Variants in TCF7L2 observed in about 807,000 individuals in gnomAD.
The protein encoded by TCF7L2 is transcription factor 7 like 2.
In TCF7L2, 23 loss-of-function variants were observed where a neutral mutation model predicts 77.9. That is an observed-to-expected ratio of 0.30 (90% CI 0.21 to 0.42). TCF7L2 has a LOEUF of 0.42. Among genes scored for constraint, TCF7L2 ranks in the 10% least tolerant of loss-of-function variants. The pLI, the probability that TCF7L2 is intolerant of heterozygous loss-of-function variation, is 1.00. For missense variants in TCF7L2, 654 were observed against 793.1 expected (o/e 0.82, Z 2.11); for synonymous variants, 413 against 340.2 (o/e 1.21, Z -2.36).
chr10:112,950,673 C>T lies in TCF7L2; in HGVS notation c.-84C>T. 7.2e-7 allele frequency: 1 copy of T among 1,385,482 alleles called. No individual in the cohort carries two copies. The highest frequency in any genetic ancestry group is 9.5e-7 in the Non-Finnish European group (1 of 1,052,342). The allele number at this position is 1,385,482 out of a possible 1,614,324, so 85.8% of individuals were successfully genotyped here. A position where few individuals can be genotyped will look rare whatever the true frequency, so the allele number is the denominator to read the frequency against. On this transcript the variant is annotated 5_prime_UTR_variant, in exon 1 of 14. Transcript: ENST00000627217. ...TTTCTTGCAATATTTTTTGGGGGGGCAAAACTTTTTGGGGGTGATTTTTTT... is the reference window on the plus strand; with the variant it reads ...TTTCTTGCAATATTTTTTGGGGGGGTAAAACTTTTTGGGGGTGATTTTTTT...
At chr10:113,117,937 C>G (rs1263935614) in intron 5 of TCF7L2, among the ~76,000 whole-genome samples, 1 of 152,074 alleles carries the variant, frequency 6.6e-6, no homozygotes, top group Non-Finnish European at 1.5e-5. Flanking sequence ...ATACGGCACA[C>G]AAAGCGGGCA....
chr10:113,124,498 A>G (rs2065269405), intron 5 of TCF7L2, among the ~76,000 whole-genome samples: 1 of 152,168 alleles, frequency 6.6e-6, no homozygotes, highest in Non-Finnish European at 1.5e-5. Context: ...TCTCGAAGAC[A>G]ACTTATATGG....
At chr10:113,095,260 C>G (rs1230035076) in intron 5 of TCF7L2, among the ~76,000 whole-genome samples, 9 of 152,318 alleles carry the variant, frequency 5.9e-5, no homozygotes, top group African/African-American at 2.2e-4. Flanking sequence ...TGTGACCCAT[C>G]ATTGCTTCGC....
intron 5 of TCF7L2, among the ~76,000 whole-genome samples, chr10:113,053,322 G>A (rs2054796669): frequency 6.6e-6 from 1 of 152,168 alleles, no homozygotes; most frequent in Non-Finnish European, 1.5e-5. Flanking sequence ...GCTAAGTGCT[G>A]TGGTGTCTGG....
chr10:113,166,530 T>C lies in TCF7L2; in HGVS notation c.*558T>C, dbSNP rs1357078053. ...TGTTTAAATGTACAGAAACAAAGGG[T>C]AAAAATGTGTTAATATACCTTGTTC... On this transcript the variant is annotated 3_prime_UTR_variant, in exon 14 of 14. Transcript: ENST00000627217. 4.7e-6 allele frequency: 1 copy of C among 212,364 alleles called. No homozygotes were observed. The highest frequency in any genetic ancestry group is 9.4e-6 in the Non-Finnish European group (1 of 106,080). The allele number at this position is 212,364 out of a possible 1,614,324, so 13.2% of individuals were successfully genotyped here.
intron 5 of TCF7L2, among the ~76,000 whole-genome samples, chr10:113,068,816 T>G (rs1182068278): frequency 2.0e-5 from 3 of 152,126 alleles, no homozygotes; most frequent in Non-Finnish European, 4.4e-5. Context: ...CTGCGCACTC[T>G]GAACTTTGGC....
At position 113,025,775 on chromosome 10, in the gene TCF7L2, C is replaced by T. The variant is rs947076071; in HGVS notation, c.451-14250C>T. On this transcript the variant is annotated intron_variant, in intron 4 of 13. Transcript: ENST00000627217. ...CATTTTACAGGCAAGGATCTGGAGGCGTAGAGAGGTAAAATCATTTTTTCA... is the reference window on the plus strand; with the variant it reads ...CATTTTACAGGCAAGGATCTGGAGGTGTAGAGAGGTAAAATCATTTTTTCA... Among the ~76,000 whole-genome samples the T allele has an allele frequency of 5.3e-5, 8 of 151,948 alleles. No individual in the cohort carries two copies. In the East Asian group the frequency reaches 5.8e-4, roughly 11 times the overall value.
At chr10:112,993,528 ATGCTTT>A (rs2042959780) in intron 4 of TCF7L2, among the ~76,000 whole-genome samples, 1 of 152,018 alleles carries the variant, frequency 6.6e-6, no homozygotes, top group Admixed American at 6.5e-5. Flanking sequence ...AAAAAAGAAA[ATGCTTT>A]TGCCATGGGC....
chr10:113,118,224 G>A (rs1284706765), intron 5 of TCF7L2, among the ~76,000 whole-genome samples: 1 of 152,128 alleles, frequency 6.6e-6, no homozygotes, highest in South Asian at 2.1e-4. Flanking sequence ...GCAAATGGGT[G>A]ATAATTAGGT....
chr10:113,097,734 A>G (rs2061197974), intron 5 of TCF7L2, among the ~76,000 whole-genome samples: 1 of 147,906 alleles, frequency 6.8e-6, no homozygotes, highest in Non-Finnish European at 1.5e-5. Flanking sequence ...GGGATTTCTT[A>G]TGGCATCTTT....
chr10:112,950,590 C>G lies in TCF7L2; in HGVS notation c.-167C>G. On this transcript the variant is annotated 5_prime_UTR_variant, in exon 1 of 14. Transcript: ENST00000627217. The stretch of plus-strand genomic sequence containing the variant: ...CTTCCCCTCCCCTCCTCCCTCTTTT[C>G]CCCTCCCCAGGAGAAAAAGACCCCC... The G allele has an allele frequency of 3.5e-6, 1 of 282,814 alleles. No individual in the cohort carries two copies. The allele number at this position is 282,814 out of a possible 1,614,324, so 17.5% of individuals were successfully genotyped here.
At chr10:113,010,304 G>T (rs1357937211) in intron 4 of TCF7L2, among the ~76,000 whole-genome samples, 1 of 152,102 alleles carries the variant, frequency 6.6e-6, no homozygotes, top group Non-Finnish European at 1.5e-5. Context: ...TAGGGCAGTG[G>T]TTCCCCCAAT....
intron 3 of TCF7L2, among the ~76,000 whole-genome samples, chr10:112,961,910 T>TGA (rs10593073): frequency 3.8e-4 from 56 of 148,482 alleles, no homozygotes; most frequent in Admixed American, 7.4e-4. Flanking sequence ...TGTGTGTGTG[T>TGA]GAGAGAGAGA....
At chr10:112,999,236 C>T (rs905214056) in intron 4 of TCF7L2, among the ~76,000 whole-genome samples, 9 of 152,200 alleles carry the variant, frequency 5.9e-5, no homozygotes, top group Non-Finnish European at 7.3e-5. Flanking sequence ...GTGTAATAGA[C>T]GACTTCACAT....
chr10:112,964,102 G>A (rs1460868841), intron 3 of TCF7L2, among the ~76,000 whole-genome samples: 1 of 152,076 alleles, frequency 6.6e-6, no homozygotes, highest in Non-Finnish European at 1.5e-5. Context: ...ATGGGGATGG[G>A]GTGCTTGTAC....
intron 5 of TCF7L2, among the ~76,000 whole-genome samples, chr10:113,132,729 G>A (rs1264802814): frequency 6.6e-6 from 1 of 152,180 alleles, no homozygotes; most frequent in African/African-American, 2.4e-5. Context: ...CACTTAACAA[G>A]ATTGATTATG....
intron 5 of TCF7L2, among the ~76,000 whole-genome samples, chr10:113,089,065 T>C (rs1247548358): frequency 6.6e-6 from 1 of 151,916 alleles, no homozygotes; most frequent in African/African-American, 2.4e-5. Context: ...GTAAGGTAAG[T>C]TGAGAGAGAA....
At chr10:113,113,813 G>C (rs1400297382) in intron 5 of TCF7L2, among the ~76,000 whole-genome samples, 1 of 152,120 alleles carries the variant, frequency 6.6e-6, no homozygotes, top group Non-Finnish European at 1.5e-5. Context: ...TTAAGAGAGA[G>C]GGGAATAAGA....
intron 4 of TCF7L2, among the ~76,000 whole-genome samples, chr10:113,010,980 T>C (rs1198309570): frequency 6.6e-6 from 1 of 152,104 alleles, no homozygotes; most frequent in Non-Finnish European, 1.5e-5. Context: ...TACTCCAGCC[T>C]GGGCAATGAG....
Sources: allele counts gnomAD v4.1 joint callset (sites outside exome capture counted in the v4.1 genomes callset), GRCh38; gene constraint gnomAD v4.1.1; transcripts MANE v1.5; gene names NCBI Gene and HGNC (gene_info 2026-07-23, HGNC 2026-07-21).